Variants in EPB41L3 observed in about 807,000 individuals in gnomAD.
EPB41L3 encodes the protein erythrocyte membrane protein band 4.1 like 3.
EPB41L3 carries 57 observed loss-of-function variants against 127.1 expected under a neutral mutation model. That is an observed-to-expected ratio of 0.45 (90% confidence interval 0.36 to 0.56). EPB41L3 has a LOEUF of 0.56. EPB41L3 is among the 20% of genes least tolerant of loss of function. The pLI, the probability that EPB41L3 is intolerant of heterozygous loss-of-function variation, is 0.00. For synonymous variants in EPB41L3, 572 were observed against 549.5 expected (o/e 1.04, Z -0.57); for missense variants, 1,273 against 1,372.2 (o/e 0.93, Z 1.14).
intron 3 of EPB41L3, among the ~76,000 whole-genome samples, chr18:5,555,159 C>A (rs1198790891): frequency 1.1e-4 from 17 of 152,304 alleles, no homozygotes; most frequent in Admixed American, 1.0e-3. Flanking sequence ...ATCCATAGTG[C>A]CCTTTCAAAC....
At chr18:5,538,995 A>ATT (rs757227800) in intron 1 of EPB41L3, among the ~76,000 whole-genome samples, 295 of 115,134 alleles carry the variant, frequency 2.6e-3, no homozygotes, top group African/African-American at 6.3e-3. Flanking sequence ...TTTCTCCAAG[A>ATT]TTTTTTTTTT....
intron 1 of EPB41L3, among the ~76,000 whole-genome samples, chr18:5,619,708 GTACTA>G (rs2144199405): frequency 6.6e-6 from 1 of 152,310 alleles, no homozygotes; most frequent in Admixed American, 6.5e-5. Context: ...TTTAAGATAT[GTACTA>G]TACTTCAGCC....
chr18:5,628,506 C>T (rs1226730462), intron 1 of EPB41L3, among the ~76,000 whole-genome samples: 15 of 152,230 alleles, frequency 9.9e-5, no homozygotes, highest in Non-Finnish European at 2.1e-4. Flanking sequence ...CCTTGGCGCT[C>T]AGCGCCGCCC....
intron 3 of EPB41L3, among the ~76,000 whole-genome samples, chr18:5,605,471 C>T (rs1409931094): frequency 6.6e-6 from 1 of 152,134 alleles, no homozygotes; most frequent in African/African-American, 2.4e-5. Flanking sequence ...CTAAATCTCC[C>T]AGGCTCAAGC....
At chr18:5,592,462 AAAAGTCAGAT>A (rs1419633824) in intron 3 of EPB41L3, among the ~76,000 whole-genome samples, 1 of 152,210 alleles carries the variant, frequency 6.6e-6, no homozygotes, top group Non-Finnish European at 1.5e-5. Context: ...ACCGCAAAAT[AAAAGTCAGAT>A]AAACTGCTAA....
At chr18:5,514,710 G>A (rs1052654939) in intron 1 of EPB41L3, among the ~76,000 whole-genome samples, 11 of 152,112 alleles carry the variant, frequency 7.2e-5, no homozygotes, top group East Asian at 3.9e-4. Context: ...AATCATTATC[G>A]CTTCCTTGGT....
At chr18:5,555,259 C>A (rs1269944793) in intron 3 of EPB41L3, among the ~76,000 whole-genome samples, 1 of 152,154 alleles carries the variant, frequency 6.6e-6, no homozygotes, top group Non-Finnish European at 1.5e-5. Flanking sequence ...ATCCCCTAGT[C>A]ACTCTCTGGA....
intron 3 of EPB41L3, among the ~76,000 whole-genome samples, chr18:5,568,556 G>A (rs1164180565): frequency 3.9e-5 from 6 of 152,112 alleles, no homozygotes; most frequent in Non-Finnish European, 7.3e-5. Context: ...ATTGCTAGGG[G>A]CCCCACAGAG....
chr18:5,484,699 T>C (rs138202448), intron 2 of EPB41L3, among the ~76,000 whole-genome samples: 12 of 151,912 alleles, frequency 7.9e-5, no homozygotes, highest in African/African-American at 2.4e-4. Context: ...TTAGCGACTA[T>C]TATGAACAAC....
intron 8 of EPB41L3, among the ~76,000 whole-genome samples, chr18:5,432,712 T>C (rs1398532276): frequency 2.0e-5 from 3 of 152,172 alleles, no homozygotes; most frequent in African/African-American, 4.8e-5. Flanking sequence ...CTGTGTATCC[T>C]CACGACTGTA....
intron 3 of EPB41L3, among the ~76,000 whole-genome samples, chr18:5,584,851 C>T (rs1044743620): frequency 6.6e-5 from 10 of 152,000 alleles, no homozygotes; most frequent in African/African-American, 1.7e-4. Context: ...CAAATTGAAA[C>T]GAAAGGCATA....
At chr18:5,460,938 A>G (rs758383530) in intron 3 of EPB41L3, among the ~76,000 whole-genome samples, 6 of 152,162 alleles carry the variant, frequency 3.9e-5, no homozygotes, top group Non-Finnish European at 8.8e-5. Flanking sequence ...CCTTGCTAGA[A>G]CACGGTGGGG....
chr18:5,424,914 G>A (rs1322629695), intron 9 of EPB41L3, among the ~76,000 whole-genome samples: 1 of 152,074 alleles, frequency 6.6e-6, no homozygotes, highest in African/African-American at 2.4e-5. Flanking sequence ...AAATGCTAAC[G>A]TCTCTCTATA....
intron 5 of EPB41L3, among the ~76,000 whole-genome samples, chr18:5,442,657 T>G (rs1046853186): frequency 6.6e-5 from 10 of 152,222 alleles, no homozygotes; most frequent in African/African-American, 2.4e-4. Context: ...ATGTGTTCTT[T>G]AACTAGAATT....
intron 19 of EPB41L3, 26 bp from the exon 20 acceptor site, chr18:5,395,733 T>C: frequency 3.8e-6 from 6 of 1,582,864 alleles, no homozygotes; most frequent in Non-Finnish European, 4.3e-6. Flanking sequence ...CATAGACCCC[T>C]CATCCAGGTG....
At chr18:5,537,600 C>T (rs1296214581) in intron 1 of EPB41L3, among the ~76,000 whole-genome samples, 4 of 152,106 alleles carry the variant, frequency 2.6e-5, no homozygotes, top group Non-Finnish European at 2.9e-5. Context: ...AGCAAAGCCC[C>T]AAATATCCCT....
intron 1 of EPB41L3, among the ~76,000 whole-genome samples, chr18:5,522,609 T>C (rs2093040157): frequency 6.6e-6 from 1 of 152,210 alleles, no homozygotes; most frequent in Non-Finnish European, 1.5e-5. Flanking sequence ...ATACAGGCAT[T>C]AGTCTTCATG....
intron 1 of EPB41L3, among the ~76,000 whole-genome samples, chr18:5,503,918 T>G (rs967981884): frequency 7.2e-5 from 11 of 152,218 alleles, no homozygotes; most frequent in Non-Finnish European, 1.2e-4. Flanking sequence ...TCCATCTCAG[T>G]CATGCTCAAT....
intron 1 of EPB41L3, among the ~76,000 whole-genome samples, chr18:5,504,449 T>C (rs937584558): frequency 6.6e-6 from 1 of 152,200 alleles, no homozygotes; most frequent in Non-Finnish European, 1.5e-5. Context: ...CTGTTGAGCT[T>C]TTCAGAGTCA....
Sources: gnomAD v4.1 joint callset for allele counts (sites outside exome capture counted in the v4.1 genomes callset) on GRCh38, gnomAD v4.1.1 for gene constraint, MANE v1.5 for transcripts, NCBI Gene and HGNC (gene_info 2026-07-23, HGNC 2026-07-21) for gene names.